BCR: variants seen among roughly 807,000 people sequenced by gnomAD.
The protein encoded by BCR is breakpoint cluster region protein.
In BCR, 58 loss-of-function variants were observed where a neutral mutation model predicts 138.6. The ratio of observed to expected loss-of-function variants is 0.42; its 90% CI spans 0.34 to 0.52. The LOEUF is 0.52. Among genes scored for constraint, BCR ranks in the 20% least tolerant of loss-of-function variants. BCR has a pLI of 0.06. For missense variants in BCR, 1,599 were observed against 1,727.2 expected (o/e 0.93, Z 1.32); for synonymous variants, 786 against 730.1 (o/e 1.08, Z -1.23).
At chr22:23,298,939 A>ACTT (rs2073874944) in intron 16 of BCR, among the ~76,000 whole-genome samples, 1 of 151,708 alleles carries the variant, frequency 6.6e-6, no homozygotes, top group African/African-American at 2.4e-5. Flanking sequence ...TTCAAAACAA[A>ACTT]CATCACTCAT....
In BCR at chr22:23,261,451, G is replaced by A. The variant is rs1404752276; in HGVS notation, c.1663G>A (p.Glu555Lys). ...TIFFKVPELY[E>K]IHKEFYDGLF... ...CTTCTTCAAAGTGCCTGAGCTCTAC[G>A]AGATCCACAAGGAGTTCTATGATGG... is the stretch of plus-strand genomic sequence containing the variant. The change falls in exon 4 of 23, where the codon GAG becomes AAG. Residue 555 changes from glutamate (E) to lysine (K), a missense_variant. Physicochemically the swap from Glu to Lys is moderately conservative, Grantham distance 56. Coordinates refer to ENST00000305877, the MANE Select transcript of BCR (RefSeq NM_004327.4). 8.1e-6 allele frequency: 13 copies of A among 1,613,724 alleles called. No individual in the cohort carries two copies. The African/African-American group carries it at 1.1e-4, about 13-fold the overall frequency.
chr22:23,290,966 G>GGGAGGC (rs2073779628), intron 14 of BCR: 1 of 158,220 alleles, frequency 6.3e-6, no homozygotes, highest in Non-Finnish European at 1.4e-5. Context: ...CCAGCACTTT[G>GGGAGGC]GGAGGCTGAG....
At chr22:23,189,550 G>T (rs1601994235) in intron 1 of BCR, among the ~76,000 whole-genome samples, 1 of 152,064 alleles carries the variant, frequency 6.6e-6, no homozygotes, top group East Asian at 1.9e-4. Context: ...GCCCAGGCTG[G>T]AGTGCAATGG....
chr22:23,314,424 G>A (rs1434849351), intron 21 of BCR, 128 bp from the exon 22 acceptor site: 1 of 1,104,260 alleles, frequency 9.1e-7, no homozygotes, highest in Non-Finnish European at 1.4e-6. Context: ...TACCAGGGCT[G>A]GAGTCAGCTT....
At chr22:23,241,331 T>TC (rs917279668) in intron 1 of BCR, among the ~76,000 whole-genome samples, 12 of 151,934 alleles carry the variant, frequency 7.9e-5, no homozygotes, top group East Asian at 1.9e-4. Context: ...TTCCTGCCAT[T>TC]CCCCCCCGAC....
intron 1 of BCR, among the ~76,000 whole-genome samples, chr22:23,240,301 TCGTGTGTGTGTGTGTGTGTGTG>T (rs1462246829): frequency 9.1e-6 from 1 of 110,218 alleles, no homozygotes; most frequent in Non-Finnish European, 1.8e-5. Flanking sequence ...GCCTGGCTGA[TCGTGTGTGTGTGTGTGTGTGTG>T]TGTGTGTGTG....
chr22:23,277,704 G>C (rs1294325989), intron 8 of BCR, among the ~76,000 whole-genome samples: 3 of 152,176 alleles, frequency 2.0e-5, no homozygotes, highest in Admixed American at 6.5e-5. Context: ...GCATCGAGGA[G>C]AGGCCCAGGT....
chr22:23,241,057 C>G (rs1312273349), intron 1 of BCR, among the ~76,000 whole-genome samples: 1 of 152,192 alleles, frequency 6.6e-6, no homozygotes, highest in Non-Finnish European at 1.5e-5. Context: ...GTATGTGGCA[C>G]GTTCTGGTTT....
At chr22:23,231,379 G>A (rs531618852) in intron 1 of BCR, among the ~76,000 whole-genome samples, 1 of 151,930 alleles carries the variant, frequency 6.6e-6, no homozygotes, top group Admixed American at 6.6e-5. Context: ...GGTAGTGCAC[G>A]CCTGTAGTCC....
rs140506176 is a variant in BCR, at chr22:23,295,045, G to A, written c.2902G>A (p.Gly968Ser). 7 of 1,613,958 alleles carry A rather than the reference G, an allele frequency of 4.3e-6. No individual in the cohort carries two copies. The highest frequency in any genetic ancestry group is 1.3e-5 in the African/African-American group (1 of 74,908). Residue 968 changes from glycine to serine, a missense_variant, in exon 16 of 23, where the codon GGC (glycine) becomes AGC (serine). Gly to Ser is a moderately conservative substitution (Grantham distance 56). Transcript: ENST00000305877. ...GCAGGAATTTGAGATAGAGCTGGAG[G>A]GCTCCCAGACCCTGAGGATACTGTG... ...WNEEFEIELE[G>S]SQTLRILCYE...
At chr22:23,264,187 CCTT>C in intron 4 of BCR, 2 of 1,288,474 alleles carry the variant, frequency 1.6e-6, no homozygotes, top group Non-Finnish European at 2.3e-6. Context: ...ACAGGTTCCT[CCTT>C]CTATAGCGTT....
intron 2 of BCR, 107 bp from the exon 3 acceptor site, chr22:23,260,842 AG>A (rs2073348399): frequency 9.9e-7 from 1 of 1,012,570 alleles, no homozygotes; most frequent in Non-Finnish European, 1.6e-6. Flanking sequence ...TTGTGGGGGC[AG>A]GGGTTTGTCC....
intron 1 of BCR, among the ~76,000 whole-genome samples, chr22:23,237,178 C>T (rs893914691): frequency 6.6e-6 from 1 of 152,182 alleles, no homozygotes; most frequent in Non-Finnish European, 1.5e-5. Context: ...CTCACTTTTC[C>T]CAGGAGGTGC....
intron 18 of BCR, among the ~76,000 whole-genome samples, chr22:23,311,414 G>A (rs369485876): frequency 2.6e-5 from 4 of 151,834 alleles, no homozygotes; most frequent in Middle Eastern, 6.8e-3. Flanking sequence ...TGCCCTTCCC[G>A]TGCTGACTTG....
At chr22:23,306,991 T>C (rs1482970583) in intron 16 of BCR, among the ~76,000 whole-genome samples, 1 of 152,250 alleles carries the variant, frequency 6.6e-6, no homozygotes, top group Non-Finnish European at 1.5e-5. Context: ...TGTTAGCTGC[T>C]TCTGCCTGTT....
At chr22:23,257,036 C>T (rs1026457287) in intron 2 of BCR, among the ~76,000 whole-genome samples, 1 of 152,162 alleles carries the variant, frequency 6.6e-6, no homozygotes, top group Non-Finnish European at 1.5e-5. Context: ...ATGGCCCTCC[C>T]TGCATTCACG....
chr22:23,194,805 G>C (rs2072458225), intron 1 of BCR, among the ~76,000 whole-genome samples: 1 of 152,104 alleles, frequency 6.6e-6, no homozygotes, highest in Non-Finnish European at 1.5e-5. Flanking sequence ...GCTGGGCATG[G>C]TGGCATGTGC....
rs752884976 is a variant in BCR at position 23,181,718 on chromosome 22, C to T, written c.758C>T (p.Pro253Leu). ...GACTACGAGGACGCCGAGTTGAACC[C>T]CCGCTTCCTGAAGGACAACCTGATC... is the stretch of plus-strand genomic sequence containing the variant. ...DGDYEDAELN[P>L]RFLKDNLIDA... Residue 253 changes from proline (P) to leucine (L), a missense_variant, in exon 1 of 23, where the codon CCC becomes CTC. By Grantham distance (98) the Pro-to-Leu change is moderately conservative. This residue lies in a region of BCR where 806 missense variants were observed against 635.0 expected (regional missense o/e 1.27). Transcript: ENST00000305877. The T allele has an allele frequency of 6.2e-7, 1 of 1,603,962 alleles. No individual in the cohort carries two copies. The highest frequency in any genetic ancestry group is 8.5e-7 in the Non-Finnish European group (1 of 1,179,966).
intron 16 of BCR, among the ~76,000 whole-genome samples, chr22:23,304,261 T>C (rs2073934955): frequency 1.3e-5 from 2 of 152,072 alleles, no homozygotes; most frequent in South Asian, 2.1e-4. Context: ...TTATAGCCAC[T>C]CCCAGACCCA....
Sources: allele counts gnomAD v4.1 joint callset (sites outside exome capture counted in the v4.1 genomes callset), GRCh38; gene constraint gnomAD v4.1.1; regional missense constraint gnomAD v4.1.1; transcripts MANE v1.5; gene names NCBI Gene and HGNC (gene_info 2026-07-23, HGNC 2026-07-21).